The following TNFRSF21 variants were observed in gnomAD, a reference collection of about 807,000 sequenced individuals.
The protein encoded by TNFRSF21 is TNF receptor superfamily member 21.
A neutral mutation model predicts 45.6 loss-of-function variants in TNFRSF21; 19 were observed. That is an observed-to-expected ratio of 0.42 (90% CI 0.29 to 0.61). The LOEUF is 0.61. TNFRSF21 is among the 20% of genes least tolerant of loss of function. The probability of loss-of-function intolerance (pLI) is 0.23; values close to 1 mark genes in which losing one functional copy is unlikely to be tolerated. For synonymous variants in TNFRSF21, 314 were observed against 335.5 expected (o/e 0.94, Z 0.70); for missense variants, 737 against 851.5 (o/e 0.87, Z 1.67).
chr6:47,308,893 G>T (rs1235927147), intron 1 of TNFRSF21, among the ~76,000 whole-genome samples: 1 of 152,242 alleles, frequency 6.6e-6, no homozygotes, highest in Admixed American at 6.5e-5. Flanking sequence ...CCGCGCGACA[G>T]CACCCGGAGG....
chr6:47,267,567 T>A (rs1271074843), intron 3 of TNFRSF21, among the ~76,000 whole-genome samples: 4 of 152,170 alleles, frequency 2.6e-5, no homozygotes, highest in African/African-American at 9.7e-5. Context: ...AAATCAGATA[T>A]AATGTCCCTC....
chr6:47,235,600 C>T (rs532245943), intron 4 of TNFRSF21, among the ~76,000 whole-genome samples: 3 of 152,200 alleles, frequency 2.0e-5, no homozygotes, highest in Non-Finnish European at 4.4e-5. Flanking sequence ...TGCTTGCTGA[C>T]TCTTACACTC....
intron 1 of TNFRSF21, among the ~76,000 whole-genome samples, chr6:47,307,639 G>A (rs1762958291): frequency 1.3e-5 from 2 of 152,194 alleles, no homozygotes; most frequent in African/African-American, 4.8e-5. Context: ...CGCCCAAAAC[G>A]CTGGGATTAC....
chr6:47,263,118 G>A (rs1180071208), intron 3 of TNFRSF21, among the ~76,000 whole-genome samples: 2 of 152,112 alleles, frequency 1.3e-5, no homozygotes, highest in Non-Finnish European at 2.9e-5. Context: ...TTTGAAGGTA[G>A]AGCTGACAGA....
chr6:47,272,057 A>G (rs1296050631), intron 3 of TNFRSF21, among the ~76,000 whole-genome samples: 1 of 152,166 alleles, frequency 6.6e-6, no homozygotes, highest in Non-Finnish European at 1.5e-5. Context: ...ACTCCCACAC[A>G]ATAATAATGG....
intron 1 of TNFRSF21, among the ~76,000 whole-genome samples, chr6:47,287,197 C>T: frequency 6.7e-6 from 1 of 149,886 alleles, no homozygotes; most frequent in East Asian, 2.0e-4. Context: ...ATCCCAGCTA[C>T]TCAGGAGACT....
At chr6:47,233,479 C>T (rs1764616485) in intron 5 of TNFRSF21, among the ~76,000 whole-genome samples, 1 of 152,154 alleles carries the variant, frequency 6.6e-6, no homozygotes, top group African/African-American at 2.4e-5. Flanking sequence ...ATGTAGTCTA[C>T]TTATGTGACT....
chr6:47,234,956 A>T, intron 4 of TNFRSF21, 58 bp from the exon 5 acceptor site: 1 of 1,034,382 alleles, frequency 9.7e-7, no homozygotes, highest in Non-Finnish European at 1.3e-6. Flanking sequence ...TAAAATTAAA[A>T]TCCCTCCTCA....
chr6:47,288,265 G>T (rs565933062), intron 1 of TNFRSF21, among the ~76,000 whole-genome samples: 1 of 152,224 alleles, frequency 6.6e-6, no homozygotes, highest in South Asian at 2.1e-4. Context: ...TCTTACAAAC[G>T]TAATGTTGAG....
chr6:47,280,243 C>T (rs1203803488), intron 3 of TNFRSF21, among the ~76,000 whole-genome samples: 2 of 152,138 alleles, frequency 1.3e-5, no homozygotes, highest in African/African-American at 4.8e-5. Context: ...AGCCATTTCC[C>T]TCCCACCTTA....
chr6:47,292,795 A>T (rs1027546786), intron 1 of TNFRSF21, among the ~76,000 whole-genome samples: 6 of 152,246 alleles, frequency 3.9e-5, no homozygotes, highest in Non-Finnish European at 7.3e-5. Context: ...ACATCTTTCC[A>T]GACCCTTTTC....
At chr6:47,259,184 A>T (rs1173382961) in intron 3 of TNFRSF21, among the ~76,000 whole-genome samples, 1 of 152,250 alleles carries the variant, frequency 6.6e-6, no homozygotes, top group Non-Finnish European at 1.5e-5. Context: ...GCTTGGCAGG[A>T]TGCCCAGTCA....
Position 47,283,947 on chromosome 6 carries a change from T to G in TNFRSF21, c.1234A>C (p.Asn412His). The change falls in exon 3 of 6, where the codon AAT (asparagine) becomes CAT (histidine). Residue 412 changes from asparagine (N) to histidine (H), a missense_variant. By Grantham distance (68) the Asn-to-His change is moderately conservative. Coordinates refer to ENST00000296861, the MANE Select transcript of TNFRSF21 (RefSeq NM_014452.5). ...AAGAGAGAAGGCTCACCATGGCCAT[T>G]GCAGTAGTAGATCCATTTCTCCCGG... is the stretch of plus-strand genomic sequence containing the variant. ...QNREKWIYYCNGHGIDILKLV... is the reference protein window; with the variant it reads ...QNREKWIYYCHGHGIDILKLV... 1 of 1,613,260 alleles carries G rather than the reference T, an allele frequency of 6.2e-7. No homozygotes were observed. Among genetic ancestry groups the G allele is most frequent in the Non-Finnish European group, 8.5e-7 (1 of 1,179,682 alleles).
At chr6:47,244,835 G>T (rs986012729) in intron 4 of TNFRSF21, among the ~76,000 whole-genome samples, 4 of 152,190 alleles carry the variant, frequency 2.6e-5, no homozygotes, top group African/African-American at 9.6e-5. Flanking sequence ...TGCTGACCAT[G>T]ATGCAATTCC....
chr6:47,296,140 A>G (rs1762786629), intron 1 of TNFRSF21, among the ~76,000 whole-genome samples: 1 of 152,342 alleles, frequency 6.6e-6, no homozygotes, highest in South Asian at 2.1e-4. Context: ...ACTAAGCAGT[A>G]AGTGAATTGG....
Position 47,309,697 on chromosome 6 carries a change from C to T in TNFRSF21, c.-186G>A, listed in dbSNP as rs1762990650. 2 of 827,946 alleles carry T rather than the reference C, an allele frequency of 2.4e-6. No homozygotes were observed. Among genetic ancestry groups the T allele is most frequent in the Admixed American group, 4.3e-5 (1 of 23,132 alleles). The allele number at this position is 827,946 out of a possible 1,614,324, so 51.3% of individuals were successfully genotyped here. On this transcript the variant is annotated 5_prime_UTR_variant, in exon 1 of 6. The change abolishes the stop of an existing upstream ORF in the 5' untranslated region. Coordinates refer to ENST00000296861, the MANE Select transcript of TNFRSF21 (RefSeq NM_014452.5). ...CGGCAAGGGAGGCTCTAGGGGCGCTCAGCACCTGCCCAGCGGCGCGGCCGC... is the reference window on the plus strand; with the variant it reads ...CGGCAAGGGAGGCTCTAGGGGCGCTTAGCACCTGCCCAGCGGCGCGGCCGC...
intron 4 of TNFRSF21, among the ~76,000 whole-genome samples, chr6:47,239,285 C>CAAAA (rs548172761): frequency 1.2e-4 from 7 of 57,360 alleles, no homozygotes; most frequent in African/African-American, 2.3e-4. Context: ...GACTCCATCT[C>CAAAA]AAAAAAAAAA....
chr6:47,293,628 C>A (rs1026826794), intron 1 of TNFRSF21, among the ~76,000 whole-genome samples: 1 of 152,208 alleles, frequency 6.6e-6, no homozygotes, highest in Non-Finnish European at 1.5e-5. Flanking sequence ...TCACAAGAAT[C>A]GTCAGACCTC....
chr6:47,253,456 G>T lies in TNFRSF21; in HGVS notation c.1309C>A (p.Leu437Ile). The change falls in exon 4 of 6, where the codon CTT (leucine) becomes ATT (isoleucine). Residue 437 changes from leucine to isoleucine, a missense_variant. Coordinates refer to ENST00000296861, the MANE Select transcript of TNFRSF21 (RefSeq NM_014452.5). Reference protein sequence around the residue: ...GSQWKDIYQFLCNASEREVAA... With the variant: ...GSQWKDIYQFICNASEREVAA... ...ACCTCCCTCTCACTGGCATTGCAAAGAAACTGATAGATATCTTTCCACTGG... is the reference window on the plus strand; with the variant it reads ...ACCTCCCTCTCACTGGCATTGCAAATAAACTGATAGATATCTTTCCACTGG... 6.2e-7 allele frequency: 1 copy of T among 1,614,012 alleles called. No homozygotes were observed. The highest frequency in any genetic ancestry group is 8.5e-7 in the Non-Finnish European group (1 of 1,180,034).
Sources: allele counts gnomAD v4.1 joint callset (sites outside exome capture counted in the v4.1 genomes callset), GRCh38; gene constraint gnomAD v4.1.1; transcripts MANE v1.5; gene names NCBI Gene and HGNC (gene_info 2026-07-23, HGNC 2026-07-21).